Variants in GLOD4 observed in about 807,000 individuals in gnomAD.
The protein encoded by GLOD4 is glyoxalase domain containing 4, also known as glyoxalase domain-containing protein 4.
A neutral mutation model predicts 39.1 loss-of-function variants in GLOD4; 44 were observed. That is an observed-to-expected ratio of 1.13 (90% CI 0.88 to 1.45). The LOEUF (loss-of-function observed/expected upper bound fraction) is 1.45. Among genes scored for constraint, GLOD4 ranks in the 40% most tolerant of loss-of-function variants. The pLI, the probability that GLOD4 is intolerant of heterozygous loss-of-function variation, is 0.00. For synonymous variants in GLOD4, 145 were observed against 135.0 expected (o/e 1.07, Z -0.52); for missense variants, 405 against 366.4 (o/e 1.11, Z -0.86).
In GLOD4 at chr17:775,795, T is replaced by C. The variant is rs1439122530; in HGVS notation, c.386A>G (p.Asn129Ser). 11 of 1,613,852 alleles carry C rather than the reference T, an allele frequency of 6.8e-6. No individual in the cohort carries two copies. Among genetic ancestry groups the C allele is most frequent in the African/African-American group, 1.3e-5 (1 of 74,920 alleles). ...APGGYKFYLQ[N>S]RSLPQSDPVL... ...ATTACCTGACTGAGGCAGACTGCGA[T>C]TCTGCAAATAGAACTTATATCCTCC... The change falls in exon 4 of 9, where the codon AAT becomes AGT. Residue 129 changes from asparagine to serine, a missense_variant. Asn to Ser is a conservative substitution (Grantham distance 46). Coordinates refer to ENST00000301329, the MANE Select transcript of GLOD4 (RefSeq NM_016080.4).
At chr17:762,419 C>G (rs976845803) in intron 8 of GLOD4, among the ~76,000 whole-genome samples, 1 of 152,176 alleles carries the variant, frequency 6.6e-6, no homozygotes, top group Non-Finnish European at 1.5e-5. Context: ...ATCCAGGCCC[C>G]GGCCTGCACC....
At chr17:769,078 AAAG>A (rs1907391623) in intron 8 of GLOD4, among the ~76,000 whole-genome samples, 1 of 152,242 alleles carries the variant, frequency 6.6e-6, no homozygotes. Context: ...AACTCACTGG[AAAG>A]AAGAGACTGA....
intron 8 of GLOD4, among the ~76,000 whole-genome samples, chr17:765,939 G>C (rs1906455854): frequency 6.6e-6 from 1 of 151,716 alleles, no homozygotes; most frequent in South Asian, 2.1e-4. Flanking sequence ...CTGGGCAAGA[G>C]AGTGAGACTC....
In GLOD4 at chr17:770,414, G is replaced by C; in HGVS notation, c.630+7C>G. ...GAAAGCTCAAACGATCTGGTATCAA[G>C]CGTTACCTCTTTCTGGGGGCAAGAG... On this transcript the variant is annotated splice_region_variant and intron_variant, in intron 6 of 8. Transcript: ENST00000301329. 1 of 1,429,052 alleles carries C rather than the reference G, an allele frequency of 7.0e-7. No individual in the cohort carries two copies. The highest frequency in any genetic ancestry group is 9.9e-7 in the Non-Finnish European group (1 of 1,010,744). 88.5% of individuals were successfully genotyped at this position (1,429,052 alleles called of 1,614,324 possible).
In GLOD4 at chr17:778,692, T is replaced by C. The variant is rs947685425; in HGVS notation, c.140+3A>G. Reference sequence around the variant, plus strand: ...GGAGATTTTAAGAAACAAGGTATCATACCCATTACAGGCAGCTTTGCAGCC... The same window carrying C: ...GGAGATTTTAAGAAACAAGGTATCACACCCATTACAGGCAGCTTTGCAGCC... On this transcript the variant is annotated splice_donor_region_variant and intron_variant, in intron 2 of 8. Coordinates refer to ENST00000301329, the MANE Select transcript of GLOD4 (RefSeq NM_016080.4). The C allele has an allele frequency of 3.3e-6, 5 of 1,533,270 alleles. No individual in the cohort carries two copies. Among genetic ancestry groups the C allele is most frequent in the Non-Finnish European group, 4.5e-6 (5 of 1,106,212 alleles). 95.0% of individuals were successfully genotyped at this position (1,533,270 alleles called of 1,614,324 possible). A position where few individuals can be genotyped will look rare whatever the true frequency, so the allele number is the denominator to read the frequency against.
intron 2 of GLOD4, chr17:777,203 G>A (rs1909111431): frequency 1.8e-6 from 1 of 565,962 alleles, no homozygotes; most frequent in East Asian, 2.9e-5. Flanking sequence ...TCTACCTGAA[G>A]GAAAGATTTG....
chr17:771,208 G>C (rs1171873448), intron 5 of GLOD4, 117 bp downstream of exon 5: 4 of 640,384 alleles, frequency 6.2e-6, no homozygotes, highest in African/African-American at 1.9e-5. Context: ...TCACTGTGAA[G>C]AAACTATGGG....
chr17:772,770 A>T (rs779349070), intron 4 of GLOD4, among the ~76,000 whole-genome samples: 2 of 152,156 alleles, frequency 1.3e-5, no homozygotes, highest in African/African-American at 4.8e-5. Flanking sequence ...CTGAGGTGGC[A>T]GGATCATGAG....
intron 1 of GLOD4, 58 bp from the exon 2 acceptor site, chr17:778,802 T>C (rs772901278): frequency 2.2e-6 from 2 of 911,116 alleles, no homozygotes; most frequent in South Asian, 1.4e-5. Context: ...ACAGCGTCTT[T>C]AGCACAGACT....
intron 8 of GLOD4, among the ~76,000 whole-genome samples, chr17:767,069 A>C (rs943759770): frequency 6.6e-6 from 1 of 152,232 alleles, no homozygotes; most frequent in Non-Finnish European, 1.5e-5. Flanking sequence ...ATCTACTATT[A>C]TGTCAGTAAT....
At chr17:781,880 G>A (rs528321651) in intron 1 of GLOD4, 15 of 435,158 alleles carry the variant, frequency 3.4e-5, no homozygotes, top group Non-Finnish European at 5.7e-5. Context: ...TCCGGTAGAC[G>A]GTAAGCTCCA....
intron 5 of GLOD4, 74 bp from the exon 6 acceptor site, chr17:770,581 A>G (rs1907781834): frequency 2.5e-6 from 2 of 784,628 alleles, no homozygotes; most frequent in South Asian, 1.4e-5. Context: ...AAAAATTCAA[A>G]TATTATATAC....
intron 8 of GLOD4, among the ~76,000 whole-genome samples, chr17:761,349 AG>A (rs1227626333): frequency 1.3e-5 from 2 of 152,218 alleles, no homozygotes; most frequent in Non-Finnish European, 2.9e-5. Context: ...AAAAAATCTT[AG>A]TACTATCTGA....
upstream of GLOD4, chr17:782,429 G>C (rs1316011375): frequency 6.2e-7 from 1 of 1,614,038 alleles, no homozygotes; most frequent in African/African-American, 1.3e-5. Flanking sequence ...CGTTGCTGCA[G>C]GTGGTCCAGG....
In GLOD4 at chr17:775,764, G is replaced by C; in HGVS notation, c.406+11C>G. 6.2e-7 allele frequency: 1 copy of C among 1,610,070 alleles called. No homozygotes were observed. The highest frequency in any genetic ancestry group is 1.1e-5 in the South Asian group (1 of 90,960). On this transcript the variant is annotated intron_variant, in intron 4 of 8. Transcript: ENST00000301329. ...TTAGACAGAGGCTTTTACTGGTTCTGGTATAATTACCTGACTGAGGCAGAC... is the reference window on the plus strand; with the variant it reads ...TTAGACAGAGGCTTTTACTGGTTCTCGTATAATTACCTGACTGAGGCAGAC...
At chr17:779,575 T>G (rs945480126) in intron 1 of GLOD4, among the ~76,000 whole-genome samples, 2 of 150,902 alleles carry the variant, frequency 1.3e-5, no homozygotes, top group African/African-American at 4.9e-5. Context: ...GAGGCAGAGG[T>G]TGCAATGAGC....
upstream of GLOD4, among the ~76,000 whole-genome samples, chr17:785,639 A>T (rs543275114): frequency 2.6e-5 from 4 of 152,306 alleles, no homozygotes; most frequent in Non-Finnish European, 4.4e-5. Flanking sequence ...TCAAGCGTTC[A>T]CTGCACCTAC....
upstream of GLOD4, chr17:782,284 C>A (rs1236590385): frequency 6.2e-6 from 10 of 1,612,234 alleles, no homozygotes; most frequent in African/African-American, 1.3e-5. Context: ...CCGTCACGCG[C>A]ACCGTACAGC....
upstream of GLOD4, chr17:783,459 C>A: frequency 2.2e-6 from 2 of 895,382 alleles, no homozygotes; most frequent in South Asian, 3.8e-5. Flanking sequence ...GCCTCAGCCT[C>A]CGCAGTAGCT....
Sources: allele counts gnomAD v4.1 joint callset (sites outside exome capture counted in the v4.1 genomes callset), GRCh38; gene constraint gnomAD v4.1.1; transcripts MANE v1.5; gene names NCBI Gene and HGNC (gene_info 2026-07-23, HGNC 2026-07-21).